The following TEAD4 variants were observed in gnomAD, a reference collection of about 807,000 sequenced individuals.
The protein encoded by TEAD4 is TEA domain transcription factor 4, also known as transcriptional enhancer factor TEF-3.
TEAD4 carries 36 observed loss-of-function variants against 52.4 expected under a neutral mutation model. The observed-to-expected ratio is 0.69, with a 90% CI of 0.53 to 0.91. TEAD4 has a LOEUF of 0.91. Ranked by LOEUF, TEAD4 falls within the 40% of genes least tolerant of loss-of-function variation. The pLI is 0.00. For missense variants in TEAD4, 508 were observed against 583.9 expected, an observed-to-expected ratio of 0.87 and a Z score of 1.34; for synonymous variants, 220 against 231.0, an observed-to-expected ratio of 0.95 and a Z score of 0.43.
At chr12:2,979,338 A>C (rs113871163) in intron 2 of TEAD4, among the ~76,000 whole-genome samples, 4 of 152,278 alleles carry the variant, frequency 2.6e-5, no homozygotes, top group African/African-American at 9.6e-5. Flanking sequence ...GCCTTTTGAC[A>C]TTCTGTGCTC....
intron 8 of TEAD4, 43 bp from the exon 9 acceptor site, chr12:3,020,591 G>A (rs377528709): frequency 2.2e-5 from 32 of 1,488,176 alleles, no homozygotes; most frequent in African/African-American, 2.8e-5. Context: ...GGCAGGGCGG[G>A]TGTCCGTGAC....
In TEAD4 at chr12:3,034,623, A is replaced by G. The variant is rs538384030; in HGVS notation, c.898-3345A>G. Among the ~76,000 whole-genome samples the G allele has an allele frequency of 4.6e-5, 7 of 152,278 alleles. No homozygotes were observed. In the East Asian group the frequency reaches 7.7e-4, roughly 17 times the overall value. Reference sequence around the variant, plus strand: ...GATTCTTCTAAGATGGCACGTGAATATGCATTTTTTTAAATAGTTAAGTAG... The same window carrying G: ...GATTCTTCTAAGATGGCACGTGAATGTGCATTTTTTTAAATAGTTAAGTAG... On this transcript the variant is annotated intron_variant, in intron 10 of 12. Coordinates refer to ENST00000359864, the MANE Select transcript of TEAD4 (RefSeq NM_003213.4).
At chr12:2,975,356 CATTATTATTATTATTATT>C (rs58872768) in intron 2 of TEAD4, among the ~76,000 whole-genome samples, 2,544 of 147,986 alleles carry the variant, frequency 0.017, 48 homozygotes, top group Non-Finnish European at 0.023. Context: ...AATATCGGCA[CATTATTATTATTATTATT>C]ATTATTATTA....
chr12:2,972,828 T>G (rs1442499296), intron 2 of TEAD4, among the ~76,000 whole-genome samples: 1 of 151,956 alleles, frequency 6.6e-6, no homozygotes, highest in Non-Finnish European at 1.5e-5. Flanking sequence ...TAAAATAGAG[T>G]GAATCTTTCC....
chr12:3,024,231 C>T (rs553299402), intron 10 of TEAD4, among the ~76,000 whole-genome samples: 25 of 151,900 alleles, frequency 1.6e-4, no homozygotes, highest in South Asian at 6.3e-4. Flanking sequence ...CCCGCCACCA[C>T]GCCTGGCTAA....
At chr12:2,997,151 TCCCTTAAGG>T (rs1464920554) in intron 3 of TEAD4, among the ~76,000 whole-genome samples, 1 of 152,132 alleles carries the variant, frequency 6.6e-6, no homozygotes, top group Admixed American at 6.5e-5. Flanking sequence ...TTGTGAATGT[TCCCTTAAGG>T]CCCAAGCAGC....
chr12:3,008,521 C>T lies in TEAD4; in HGVS notation c.227-2483C>T, dbSNP rs116537829. 3.7e-3 allele frequency among the ~76,000 whole-genome samples: 561 copies of T among 152,222 alleles called. 2 individuals are homozygous for T. The highest frequency in any genetic ancestry group is 0.013 in the African/African-American group (548 of 41,506). On this transcript the variant is annotated intron_variant, in intron 3 of 12. Coordinates refer to ENST00000359864, the MANE Select transcript of TEAD4 (RefSeq NM_003213.4). ...GAGGGCTTTTGAATTTCGATAGGGTCGCTGCAGCTGCTGTGTTGAGCATAG... is the reference window on the plus strand; with the variant it reads ...GAGGGCTTTTGAATTTCGATAGGGTTGCTGCAGCTGCTGTGTTGAGCATAG...
intron 3 of TEAD4, among the ~76,000 whole-genome samples, chr12:2,995,754 T>G (rs1453697327): frequency 6.6e-6 from 1 of 152,120 alleles, no homozygotes; most frequent in Non-Finnish European, 1.5e-5. Flanking sequence ...AGCCTGTGAT[T>G]CCAGCACTTT....
At chr12:3,031,003 C>T (rs2098275148) in intron 10 of TEAD4, among the ~76,000 whole-genome samples, 2 of 152,204 alleles carry the variant, frequency 1.3e-5, no homozygotes, top group African/African-American at 2.4e-5. Context: ...CCAGGCAAGA[C>T]GCATGTGCCT....
At chr12:2,998,744 G>A (rs573974079) in intron 3 of TEAD4, among the ~76,000 whole-genome samples, 1 of 152,264 alleles carries the variant, frequency 6.6e-6, no homozygotes, top group African/African-American at 2.4e-5. Context: ...CTCTCAAGTT[G>A]GAAGTGGAGA....
rs1373122053 is a variant in TEAD4, at chr12:3,038,124, G to T, written c.1038+16G>T. The T allele has an allele frequency of 6.2e-7, 1 of 1,606,984 alleles. No homozygotes were observed. The highest frequency in any genetic ancestry group is 1.1e-5 in the South Asian group (1 of 90,346). ...GAAAGTTGAGGTAGGAGGCCACCCT[G>T]GCGGGTGAGGGCCGGTGGCAGTGGT... On this transcript the variant is annotated intron_variant, in intron 11 of 12. Coordinates refer to ENST00000359864, the MANE Select transcript of TEAD4 (RefSeq NM_003213.4).
At chr12:3,033,969 T>TCGTCCGC (rs2098277644) in intron 10 of TEAD4, among the ~76,000 whole-genome samples, 1 of 151,140 alleles carries the variant, frequency 6.6e-6, no homozygotes, top group African/African-American at 2.5e-5. Flanking sequence ...GGTTCGTCCG[T>TCGTCCGC]GTCGCCGGCT....
At chr12:2,962,301 A>AATATATATAAATATAT in intron 2 of TEAD4, among the ~76,000 whole-genome samples, 1 of 29,574 alleles carries the variant, frequency 3.4e-5, no homozygotes, top group Non-Finnish European at 1.2e-4. Context: ...TATATATATA[A>AATATATATAAATATAT]ATATAAATAT....
At chr12:2,991,332 A>G (rs2098242819) in intron 2 of TEAD4, among the ~76,000 whole-genome samples, 1 of 152,224 alleles carries the variant, frequency 6.6e-6, no homozygotes, top group African/African-American at 2.4e-5. Flanking sequence ...CTTATCTACT[A>G]TATTGCCAGA....
chr12:3,017,506 G>A lies in TEAD4; in HGVS notation c.463G>A (p.Gly155Ser), dbSNP rs150590022. 9.2e-5 allele frequency: 148 copies of A among 1,613,578 alleles called. No individual in the cohort carries two copies. Among genetic ancestry groups the A allele is most frequent in the African/African-American group, 1.1e-4 (8 of 74,920 alleles). The change falls in exon 6 of 13, where the codon GGC becomes AGC. Residue 155 changes from glycine to serine, a missense_variant. Gly to Ser is a moderately conservative substitution (Grantham distance 56). Coordinates refer to ENST00000359864, the MANE Select transcript of TEAD4 (RefSeq NM_003213.4). ...TAGCATGGCCCTCGCCCGGGGCCCC[G>A]GCCGCCCAGCAGTCTCAGGGGTAAG... is the stretch of plus-strand genomic sequence containing the variant.
intron 2 of TEAD4, among the ~76,000 whole-genome samples, chr12:2,978,876 G>A (rs1266090860): frequency 1.3e-5 from 2 of 152,028 alleles, no homozygotes; most frequent in African/African-American, 4.8e-5. Context: ...TGTCCTTAAG[G>A]TTCATCCATG....
At chr12:2,972,491 C>CTTT (rs751852771) in intron 2 of TEAD4, among the ~76,000 whole-genome samples, 2,400 of 34,624 alleles carry the variant, frequency 0.069, 77 homozygotes, top group Middle Eastern at 0.11. Context: ...CAGCATGTCT[C>CTTT]TTTTTTTTTT....
At chr12:2,965,805 A>T (rs948049234) in intron 2 of TEAD4, among the ~76,000 whole-genome samples, 1 of 152,122 alleles carries the variant, frequency 6.6e-6, no homozygotes, top group Admixed American at 6.5e-5. Context: ...CGGCCTCCCA[A>T]AGTGCTGGGA....
At chr12:2,970,245 A>G (rs567796769) in intron 2 of TEAD4, among the ~76,000 whole-genome samples, 2 of 152,336 alleles carry the variant, frequency 1.3e-5, no homozygotes, top group Admixed American at 1.3e-4. Flanking sequence ...ACACGTCTCA[A>G]TTTGGACTAA....
Sources: gnomAD v4.1 joint callset for allele counts (sites outside exome capture counted in the v4.1 genomes callset) on GRCh38, gnomAD v4.1.1 for gene constraint, MANE v1.5 for transcripts, NCBI Gene and HGNC (gene_info 2026-07-23, HGNC 2026-07-21) for gene names.